The following PDE10A variants were observed in gnomAD, a reference collection of about 807,000 sequenced individuals.
The protein encoded by PDE10A is cAMP and cAMP-inhibited cGMP 3',5'-cyclic phosphodiesterase 10A.
Under a neutral mutation model 97.7 loss-of-function variants are expected in PDE10A, and 39 were observed. The ratio of observed to expected loss-of-function variants is 0.40; its 90% CI spans 0.31 to 0.52. The LOEUF is 0.52. Among genes scored for constraint, PDE10A ranks in the 20% least tolerant of loss-of-function variants. The probability of loss-of-function intolerance (pLI) is 0.56; values close to 1 mark genes in which losing one functional copy is unlikely to be tolerated. For missense variants in PDE10A, 731 were observed against 1,047.8 expected (o/e 0.70, Z 4.17); for synonymous variants, 371 against 376.8 (o/e 0.98, Z 0.18).
intron 1 of PDE10A, among the ~76,000 whole-genome samples, chr6:165,668,700 GAAGAAAGAA>G (rs1790557566): frequency 1.4e-5 from 2 of 147,690 alleles, no homozygotes; most frequent in Admixed American, 1.4e-4. Context: ...GGAAAGGAAG[GAAGAAAGAA>G]AAGAAAGAAA....
At chr6:165,817,514 C>A (rs1428035664) in intron 1 of PDE10A, among the ~76,000 whole-genome samples, 2 of 152,118 alleles carry the variant, frequency 1.3e-5, no homozygotes, top group African/African-American at 4.8e-5. Flanking sequence ...GGTGGTTAAG[C>A]ATCAGACAGG....
chr6:165,569,412 G>C (rs1009302983), intron 1 of PDE10A, among the ~76,000 whole-genome samples: 1 of 152,192 alleles, frequency 6.6e-6, no homozygotes, highest in African/African-American at 2.4e-5. Context: ...TTGTAAGACT[G>C]TGTCAATATT....
At chr6:165,588,288 T>TTC (rs1786041305) in intron 1 of PDE10A, among the ~76,000 whole-genome samples, 1 of 104,770 alleles carries the variant, frequency 9.5e-6, no homozygotes, top group African/African-American at 4.1e-5. Flanking sequence ...TTTCTTTTTT[T>TTC]TTTTTTTTTT....
intron 2 of PDE10A, among the ~76,000 whole-genome samples, chr6:165,498,421 T>C (rs1214930728): frequency 3.7e-5 from 1 of 27,232 alleles, no homozygotes; most frequent in Non-Finnish European, 7.0e-5. Flanking sequence ...AGACCCTGTC[T>C]CCAAAAAAAA....
chr6:165,546,594 C>G (rs1278143972), intron 1 of PDE10A, among the ~76,000 whole-genome samples: 3 of 151,982 alleles, frequency 2.0e-5, no homozygotes, highest in African/African-American at 4.8e-5. Flanking sequence ...GTCTGTGAGA[C>G]TAGACACAAA....
At chr6:165,816,002 T>C (rs542575783) in intron 1 of PDE10A, among the ~76,000 whole-genome samples, 1 of 151,808 alleles carries the variant, frequency 6.6e-6, no homozygotes, top group Non-Finnish European at 1.5e-5. Context: ...CAGGCTGGAG[T>C]GCAGTGGCGT....
chr6:165,413,411 G>GAAAAA, intron 13 of PDE10A, 90 bp downstream of exon 13: 1 of 376,044 alleles, frequency 2.7e-6, no homozygotes, highest in Non-Finnish European at 4.4e-6. Context: ...AAATATAAAT[G>GAAAAA]AAAAAAAAAA....
intron 1 of PDE10A, among the ~76,000 whole-genome samples, chr6:165,754,991 T>A (rs1182930006): frequency 6.6e-6 from 1 of 152,210 alleles, no homozygotes; most frequent in Non-Finnish European, 1.5e-5. Context: ...ATTATAAAAA[T>A]AGGTTTTTGT....
chr6:165,957,112 G>T (rs1462458300), intron 1 of PDE10A, among the ~76,000 whole-genome samples: 1 of 152,130 alleles, frequency 6.6e-6, no homozygotes, highest in South Asian at 2.1e-4. Flanking sequence ...GAACTCAGAG[G>T]GCTGCCAGAT....
intron 13 of PDE10A, among the ~76,000 whole-genome samples, chr6:165,397,659 G>C (rs893989047): frequency 7.4e-6 from 1 of 134,932 alleles, no homozygotes; most frequent in African/African-American, 3.0e-5. Context: ...CCAAGATGGC[G>C]CCATTGCACT....
chr6:165,620,384 T>C (rs1788070106), intron 1 of PDE10A, among the ~76,000 whole-genome samples: 1 of 152,136 alleles, frequency 6.6e-6, no homozygotes, highest in African/African-American at 2.4e-5. Flanking sequence ...GTAAAATATC[T>C]TGAGACATGT....
intron 1 of PDE10A, among the ~76,000 whole-genome samples, chr6:165,551,005 T>C (rs937269498): frequency 6.6e-6 from 1 of 152,232 alleles, no homozygotes; most frequent in Non-Finnish European, 1.5e-5. Context: ...TCTGTATAAA[T>C]AATTGTAGCA....
At chr6:165,985,912 A>C in intron 1 of PDE10A, among the ~76,000 whole-genome samples, 1 of 134,038 alleles carries the variant, frequency 7.5e-6, no homozygotes, top group African/African-American at 2.9e-5. Context: ...TAATCAGCTC[A>C]CTCCCACCCC....
intron 1 of PDE10A, among the ~76,000 whole-genome samples, chr6:165,802,590 G>T (rs1779012106): frequency 2.0e-5 from 3 of 152,210 alleles, no homozygotes; most frequent in Admixed American, 2.0e-4. Context: ...AACCACGGGG[G>T]CCCTCCTGAA....
intron 1 of PDE10A, among the ~76,000 whole-genome samples, chr6:165,545,834 G>C (rs1783712495): frequency 6.6e-6 from 1 of 152,014 alleles, no homozygotes; most frequent in Admixed American, 6.5e-5. Flanking sequence ...ATGCTACAGT[G>C]ACTTTGAAAG....
At chr6:165,818,830 G>A (rs1779488157) in intron 1 of PDE10A, among the ~76,000 whole-genome samples, 2 of 152,206 alleles carry the variant, frequency 1.3e-5, no homozygotes, top group Non-Finnish European at 1.5e-5. Flanking sequence ...AGATAGAAGA[G>A]TATTAAACCC....
intron 1 of PDE10A, among the ~76,000 whole-genome samples, chr6:165,823,507 TA>T (rs1321970473): frequency 1.3e-4 from 11 of 86,414 alleles, no homozygotes; most frequent in Non-Finnish European, 2.3e-4. Flanking sequence ...TATATATATA[TA>T]TATATATATA....
At chr6:165,454,901 A>C (rs199770247) in intron 3 of PDE10A, among the ~76,000 whole-genome samples, 13,440 of 152,130 alleles carry the variant, frequency 0.088, 653 homozygotes, top group East Asian at 0.19. Context: ...AGAATATTTC[A>C]CTGAATTCCC....
At chr6:165,390,626 A>G (rs1392831920) in intron 16 of PDE10A, among the ~76,000 whole-genome samples, 1 of 152,176 alleles carries the variant, frequency 6.6e-6, no homozygotes, top group Non-Finnish European at 1.5e-5. Flanking sequence ...GACAGATACA[A>G]TAAAGCAGAA....
Sources: allele counts gnomAD v4.1 joint callset (sites outside exome capture counted in the v4.1 genomes callset), GRCh38; gene constraint gnomAD v4.1.1; transcripts MANE v1.5; gene names NCBI Gene and HGNC (gene_info 2026-07-23, HGNC 2026-07-21).